VWA8: variants seen among roughly 807,000 people sequenced by gnomAD.
The protein encoded by VWA8 is von Willebrand factor A domain containing 8, also known as von Willebrand factor A domain-containing protein 8.
Under a neutral mutation model 241.5 loss-of-function variants are expected in VWA8, and 221 were observed. That is an observed-to-expected ratio of 0.91 (90% CI 0.82 to 1.02). VWA8 has a LOEUF of 1.02. VWA8 is among the 50% of genes least tolerant of loss of function. The probability of loss-of-function intolerance (pLI) is 0.00; values close to 1 mark genes in which losing one functional copy is unlikely to be tolerated. For synonymous variants in VWA8, 852 were observed against 827.1 expected, an observed-to-expected ratio of 1.03 and a Z score of -0.52; for missense variants, 2,322 against 2,328.7, an observed-to-expected ratio of 1.00 and a Z score of 0.06.
At chr13:41,930,423 T>C (rs1593878249) in intron 2 of VWA8, among the ~76,000 whole-genome samples, 1 of 152,202 alleles carries the variant, frequency 6.6e-6, no homozygotes. Context: ...TCCATGTTCG[T>C]TGAAGCACTA....
intron 37 of VWA8, among the ~76,000 whole-genome samples, chr13:41,635,929 T>C (rs2044753774): frequency 6.6e-6 from 1 of 152,168 alleles, no homozygotes; most frequent in South Asian, 2.1e-4. Flanking sequence ...AAAGAGCCCC[T>C]TGTCTGTGAT....
intron 42 of VWA8, among the ~76,000 whole-genome samples, chr13:41,587,278 C>A (rs183412960): frequency 2.7e-4 from 41 of 152,260 alleles, no homozygotes; most frequent in African/African-American, 9.4e-4. Flanking sequence ...CTAAGCAGCT[C>A]ATTTTTTTCT....
chr13:41,843,866 C>T (rs960854037), intron 12 of VWA8, among the ~76,000 whole-genome samples: 1 of 152,024 alleles, frequency 6.6e-6, no homozygotes, highest in African/African-American at 2.4e-5. Flanking sequence ...CAAAAAAACA[C>T]AACCCTGGAC....
At chr13:41,835,832 C>T (rs1172153332) in intron 12 of VWA8, among the ~76,000 whole-genome samples, 1 of 151,984 alleles carries the variant, frequency 6.6e-6, no homozygotes, top group East Asian at 1.9e-4. Context: ...AAGAAAACTC[C>T]TGGTATGAAT....
At chr13:41,804,165 A>G (rs1870082277) in intron 17 of VWA8, among the ~76,000 whole-genome samples, 1 of 152,232 alleles carries the variant, frequency 6.6e-6, no homozygotes, top group Admixed American at 6.5e-5. Flanking sequence ...ACCTAGAGAA[A>G]GACATCAATA....
At chr13:41,780,964 A>G (rs1868861223) in intron 19 of VWA8, among the ~76,000 whole-genome samples, 1 of 152,122 alleles carries the variant, frequency 6.6e-6, no homozygotes, top group South Asian at 2.1e-4. Context: ...TCTCCTTAAT[A>G]GCCCTGGAAT....
intron 14 of VWA8, among the ~76,000 whole-genome samples, chr13:41,823,018 T>C (rs546688788): frequency 2.5e-4 from 38 of 152,298 alleles, no homozygotes; most frequent in Admixed American, 5.2e-4. Flanking sequence ...CATAAAAATG[T>C]TCAGAAAAAA....
intron 21 of VWA8, among the ~76,000 whole-genome samples, chr13:41,754,480 A>G (rs1419609241): frequency 1.3e-5 from 2 of 152,120 alleles, no homozygotes; most frequent in Non-Finnish European, 2.9e-5. Context: ...CAGGTACATT[A>G]GTAGGTGTGT....
Position 41,618,641 on chromosome 13 carries a change from T to A in VWA8, c.4612-3557A>T, listed in dbSNP as rs549591041. ...TTTAAGTCTTTAATCCATCTTGAAT[T>A]AATTTTTGTATAAGGTGTAAGAAAG... On this transcript the variant is annotated intron_variant, in intron 37 of 44. Coordinates refer to ENST00000379310, the MANE Select transcript of VWA8 (RefSeq NM_015058.2). Among the ~76,000 whole-genome samples the A allele has an allele frequency of 2.0e-5, 3 of 152,342 alleles. No individual in the cohort carries two copies. The South Asian group carries it at 6.2e-4, about 32-fold the overall frequency.
chr13:41,614,101 G>A (rs1008593903), intron 38 of VWA8, among the ~76,000 whole-genome samples: 8 of 152,166 alleles, frequency 5.3e-5, no homozygotes, highest in Non-Finnish European at 1.2e-4. Context: ...CCAGATCAAA[G>A]GACATTTCTA....
chr13:41,725,524 T>C (rs1353413928), intron 24 of VWA8, among the ~76,000 whole-genome samples: 1 of 152,120 alleles, frequency 6.6e-6, no homozygotes, highest in African/African-American at 2.4e-5. Flanking sequence ...AAGGGTCACA[T>C]ATGTGTATAC....
intron 18 of VWA8, among the ~76,000 whole-genome samples, chr13:41,787,218 T>C (rs972129683): frequency 2.8e-5 from 4 of 145,126 alleles, no homozygotes; most frequent in Non-Finnish European, 1.5e-5. Context: ...GGGAATTGTA[T>C]CTAGTATGTA....
At chr13:41,658,208 C>T (rs2044922630) in intron 37 of VWA8, among the ~76,000 whole-genome samples, 1 of 152,186 alleles carries the variant, frequency 6.6e-6, no homozygotes, top group South Asian at 2.1e-4. Context: ...CCTGTAGTTC[C>T]ATCTACTTGG....
chr13:41,895,051 A>G (rs1178598250), intron 4 of VWA8, among the ~76,000 whole-genome samples: 2 of 152,106 alleles, frequency 1.3e-5, no homozygotes, highest in African/African-American at 4.8e-5. Context: ...AAGAGGAGCT[A>G]GTAGAGGAAT....
intron 34 of VWA8, among the ~76,000 whole-genome samples, chr13:41,687,241 T>G (rs1204377987): frequency 6.6e-6 from 1 of 152,158 alleles, no homozygotes; most frequent in East Asian, 1.9e-4. Flanking sequence ...ATATCATGTC[T>G]AAGACACTAT....
At chr13:41,798,482 A>G (rs1007581636) in intron 17 of VWA8, among the ~76,000 whole-genome samples, 5 of 152,170 alleles carry the variant, frequency 3.3e-5, no homozygotes, top group Non-Finnish European at 5.9e-5. Flanking sequence ...ATACTATCCA[A>G]TCCTGGAATC....
At chr13:41,771,886 CTTTTTTTTTT>C (rs10639837) in intron 20 of VWA8, among the ~76,000 whole-genome samples, 7 of 100,276 alleles carry the variant, frequency 7.0e-5, no homozygotes, top group Admixed American at 6.0e-4. Flanking sequence ...CCAGCAGGGA[CTTTTTTTTTT>C]TTTTTTTTTT....
intron 43 of VWA8, among the ~76,000 whole-genome samples, chr13:41,573,506 T>TATATATATATATATATAC (rs1439940851): frequency 1.4e-5 from 2 of 141,646 alleles, no homozygotes; most frequent in African/African-American, 5.4e-5. Context: ...TATATATATA[T>TATATATATATATATATAC]ACCTCTCTCT....
At chr13:41,769,610 T>C (rs1431430293) in intron 20 of VWA8, among the ~76,000 whole-genome samples, 1 of 152,220 alleles carries the variant, frequency 6.6e-6, no homozygotes, top group Non-Finnish European at 1.5e-5. Context: ...TTATTGTTGT[T>C]GTTGTTGTTC....
Sources: allele counts gnomAD v4.1 joint callset (sites outside exome capture counted in the v4.1 genomes callset), GRCh38; gene constraint gnomAD v4.1.1; transcripts MANE v1.5; gene names NCBI Gene and HGNC (gene_info 2026-07-23, HGNC 2026-07-21).